KCNQ4: variants seen among roughly 807,000 people sequenced by gnomAD.
KCNQ4 encodes potassium voltage-gated channel subfamily Q member 4.
In KCNQ4, 31 loss-of-function variants were observed where a neutral mutation model predicts 72.6. That is an observed-to-expected ratio of 0.43 (90% confidence interval 0.32 to 0.58). KCNQ4 has a LOEUF of 0.58. KCNQ4 is among the 20% of genes least tolerant of loss of function. The probability of loss-of-function intolerance (pLI) is 0.08; values close to 1 mark genes in which losing one functional copy is unlikely to be tolerated. For missense variants in KCNQ4, 869 were observed against 962.6 expected, an observed-to-expected ratio of 0.90 and a Z score of 1.29; for synonymous variants, 405 against 403.7, an observed-to-expected ratio of 1.00 and a Z score of -0.04.
intron 1 of KCNQ4, chr1:40,805,265 A>G (rs9970508): frequency 0.35 from 53,332 of 152,016 alleles, 9,590 homozygotes; most frequent in Non-Finnish European, 0.39. Context: ...CTCCCCCACC[A>G]TAGTCCGTTC....
intron 8 of KCNQ4, among the ~76,000 whole-genome samples, chr1:40,823,191 C>T (rs1340849732): frequency 6.6e-6 from 1 of 152,230 alleles, no homozygotes; most frequent in Non-Finnish European, 1.5e-5. Flanking sequence ...CTTCCCCATC[C>T]CTGCGCCCTC....
At chr1:40,785,976 G>A (rs1008492221) in intron 1 of KCNQ4, among the ~76,000 whole-genome samples, 1 of 152,176 alleles carries the variant, frequency 6.6e-6, no homozygotes, top group African/African-American at 2.4e-5. Context: ...TCAAGCTTCG[G>A]TTCAGGGTCA....
chr1:40,805,943 G>T (rs960638345), intron 1 of KCNQ4, among the ~76,000 whole-genome samples: 1 of 152,012 alleles, frequency 6.6e-6, no homozygotes, highest in Non-Finnish European at 1.5e-5. Context: ...CTGGGTTCAC[G>T]CCATTCTTCT....
chr1:40,831,764 C>T (rs539573733), intron 10 of KCNQ4, among the ~76,000 whole-genome samples: 1 of 152,362 alleles, frequency 6.6e-6, no homozygotes, highest in African/African-American at 2.4e-5. Context: ...TAGCTAAACA[C>T]AAATGTACTT....
In KCNQ4 at chr1:40,784,353, T is replaced by G; in HGVS notation, c.260T>G (p.Val87Gly). Residue 87 changes from valine (V) to glycine (G), a missense_variant, in exon 1 of 14, where the codon GTC (valine) becomes GGC (glycine). Transcript: ENST00000347132. The surrounding 1 kb of genome is among the most constrained non-coding windows in gnomAD (Gnocchi z 4.1). ...CGCTACCGCCGCCTGCAGAACTGGG[T>G]CTACAACGTGCTGGAGCGGCCCCGC... Reference protein sequence around the residue: ...HKRYRRLQNWVYNVLERPRGW... With the variant: ...HKRYRRLQNWGYNVLERPRGW... The G allele has an allele frequency of 6.2e-7, 1 of 1,609,834 alleles. No homozygotes were observed. Among genetic ancestry groups the G allele is most frequent in the Non-Finnish European group, 8.5e-7 (1 of 1,179,262 alleles).
At chr1:40,796,262 CCT>C (rs1199434950) in intron 1 of KCNQ4, among the ~76,000 whole-genome samples, 1 of 152,120 alleles carries the variant, frequency 6.6e-6, no homozygotes, top group Non-Finnish European at 1.5e-5. Context: ...CAGTCACCTC[CCT>C]CTCTGAGTCT....
intron 1 of KCNQ4, among the ~76,000 whole-genome samples, chr1:40,805,573 G>A (rs1179761218): frequency 1.3e-5 from 2 of 152,156 alleles, no homozygotes; most frequent in Non-Finnish European, 2.9e-5. Flanking sequence ...CATGAGGTGG[G>A]GGCTCTGACC....
intron 1 of KCNQ4, among the ~76,000 whole-genome samples, chr1:40,796,488 G>T (rs1193055982): frequency 1.3e-5 from 2 of 152,102 alleles, no homozygotes; most frequent in Non-Finnish European, 2.9e-5. Flanking sequence ...ACTTGCCTGG[G>T]TACATGTAGC....
Position 40,839,019 on chromosome 1 carries a change from C to A in KCNQ4, c.*496C>A. The A allele has an allele frequency of 4.6e-6, 1 of 217,024 alleles. No individual in the cohort carries two copies. The highest frequency in any genetic ancestry group is 9.4e-6 in the Non-Finnish European group (1 of 106,468). 13.4% of individuals were successfully genotyped at this position (217,024 alleles called of 1,614,324 possible). On this transcript the variant is annotated 3_prime_UTR_variant, in exon 14 of 14. Coordinates refer to ENST00000347132, the MANE Select transcript of KCNQ4 (RefSeq NM_004700.4). ...CAAAGCACAGGACCCTGCCACAAGG[C>A]AGGTGGACACCATATATGCAAACCA...
chr1:40,790,117 G>A (rs767810264), intron 1 of KCNQ4, among the ~76,000 whole-genome samples: 8 of 152,198 alleles, frequency 5.3e-5, no homozygotes, highest in Admixed American at 2.0e-4. Flanking sequence ...TGAAGAGCAC[G>A]GGCTCTGAGG....
Position 40,819,949 on chromosome 1 carries a change from C to T in KCNQ4, c.909C>T (p.Phe303=), listed in dbSNP as rs773015201. ...TGGGCAGGGTCCTGGCTGCTGGCTT[C>T]GCCTTACTGGGCATCTCTTTCTTTG... ...TWLGRVLAAG[F]ALLGISFFAL... Residue 303 remains phenylalanine, a synonymous_variant, in exon 6 of 14, where the codon TTC becomes TTT. Coordinates refer to ENST00000347132, the MANE Select transcript of KCNQ4 (RefSeq NM_004700.4). 28 of 1,614,104 alleles carry T rather than the reference C, an allele frequency of 1.7e-5. No individual in the cohort carries two copies. The African/African-American group carries it at 2.1e-4, about 12-fold the overall frequency.
chr1:40,793,379 C>T (rs1647327912), intron 1 of KCNQ4, among the ~76,000 whole-genome samples: 1 of 152,184 alleles, frequency 6.6e-6, no homozygotes, highest in South Asian at 2.1e-4. Context: ...GCTCTGCCTC[C>T]TCTTTCTGCC....
intron 1 of KCNQ4, among the ~76,000 whole-genome samples, chr1:40,786,750 T>C (rs937552001): frequency 6.6e-6 from 1 of 151,994 alleles, no homozygotes; most frequent in Non-Finnish European, 1.5e-5. Flanking sequence ...GATGAGGTAA[T>C]AGAGTGGGAA....
At chr1:40,827,484 A>G (rs903569479) in intron 9 of KCNQ4, among the ~76,000 whole-genome samples, 1 of 152,134 alleles carries the variant, frequency 6.6e-6, no homozygotes, top group Non-Finnish European at 1.5e-5. Flanking sequence ...CTGAGACTGG[A>G]CATCAGAGCG....
At chr1:40,823,351 C>A (rs992633531) in intron 8 of KCNQ4, among the ~76,000 whole-genome samples, 2 of 152,186 alleles carry the variant, frequency 1.3e-5, no homozygotes, top group Admixed American at 6.5e-5. Flanking sequence ...AGAAGAGAGG[C>A]CTTTTGTTCA....
At chr1:40,831,338 C>T in intron 10 of KCNQ4, 34 bp downstream of exon 10, 1 of 1,537,678 alleles carries the variant, frequency 6.5e-7, no homozygotes, top group Non-Finnish European at 8.8e-7. Context: ...CGATCGAGGG[C>T]CGGCTGAGGG....
intron 10 of KCNQ4, 22 bp downstream of exon 10, chr1:40,831,326 TC>T: frequency 6.4e-7 from 1 of 1,561,930 alleles, no homozygotes; most frequent in Non-Finnish European, 8.7e-7. Context: ...GGGGGCTGAG[TC>T]CGATCGAGGG....
At chr1:40,816,197 C>G (rs1363631515) in intron 1 of KCNQ4, among the ~76,000 whole-genome samples, 5 of 152,152 alleles carry the variant, frequency 3.3e-5, no homozygotes, top group African/African-American at 1.2e-4. Context: ...GGTCAGTACA[C>G]AGAGATGTAT....
chr1:40,814,046 C>CTTCTTTTT (rs1648009941), intron 1 of KCNQ4, among the ~76,000 whole-genome samples: 1 of 52,708 alleles, frequency 1.9e-5, no homozygotes, highest in Admixed American at 2.8e-4. Context: ...TGCGCCCGGC[C>CTTCTTTTT]TTTTTTTTTT....
Sources: allele counts gnomAD v4.1 joint callset (sites outside exome capture counted in the v4.1 genomes callset), GRCh38; gene constraint gnomAD v4.1.1; non-coding constraint Gnocchi (gnomAD v3.1); transcripts MANE v1.5; gene names NCBI Gene and HGNC (gene_info 2026-07-23, HGNC 2026-07-21).